TULP4: variants seen among roughly 807,000 people sequenced by gnomAD.
TULP4 encodes the protein TUB like protein 4, also known as tubby-related protein 4.
Under a neutral mutation model 129.0 loss-of-function variants are expected in TULP4, and 16 were observed. That is an observed-to-expected ratio of 0.12 (90% CI 0.08 to 0.19). The LOEUF is 0.19. TULP4 is among the 10% of genes least tolerant of loss of function. The pLI, the probability that TULP4 is intolerant of heterozygous loss-of-function variation, is 1.00. For missense variants in TULP4, 1,842 were observed against 2,059.1 expected (o/e 0.89, Z 2.04); for synonymous variants, 998 against 854.0 (o/e 1.17, Z -2.94).
intron 1 of TULP4, among the ~76,000 whole-genome samples, chr6:158,302,136 T>C (rs1287262202): frequency 6.6e-6 from 1 of 152,138 alleles, no homozygotes; most frequent in African/African-American, 2.4e-5. Flanking sequence ...ATGAAGAATA[T>C]AGGCCTGGGG....
chr6:158,489,454 C>A, intron 8 of TULP4, 134 bp from the exon 9 acceptor site: 13 of 1,066,312 alleles, frequency 1.2e-5, no homozygotes, highest in Non-Finnish European at 1.4e-5. Context: ...TGCCAAGCTT[C>A]TTTTTGGTTT....
At chr6:158,297,514 A>G (rs897632219) in intron 1 of TULP4, among the ~76,000 whole-genome samples, 1 of 152,202 alleles carries the variant, frequency 6.6e-6, no homozygotes, top group Non-Finnish European at 1.5e-5. Flanking sequence ...AAATTATGAG[A>G]GTATTATTAG....
intron 1 of TULP4, among the ~76,000 whole-genome samples, chr6:158,267,690 G>A (rs1778471770): frequency 6.6e-6 from 1 of 152,184 alleles, no homozygotes; most frequent in South Asian, 2.1e-4. Context: ...AAAGTTAACT[G>A]GAGTGTTGCT....
intron 1 of TULP4, among the ~76,000 whole-genome samples, chr6:158,272,305 T>G (rs949658231): frequency 1.3e-5 from 2 of 152,240 alleles, no homozygotes; most frequent in Non-Finnish European, 2.9e-5. Context: ...CTTCCTCCCT[T>G]CCTGCCCCAA....
intron 11 of TULP4, 149 bp from the exon 12 acceptor site, chr6:158,498,520 G>C: frequency 1.1e-6 from 1 of 898,008 alleles, no homozygotes; most frequent in Non-Finnish European, 1.7e-6. Flanking sequence ...GAAATGAAGA[G>C]CTCCTCTCAG....
Position 158,461,719 on chromosome 6 carries a change from C to T in TULP4, c.1016C>T (p.Thr339Ile), listed in dbSNP as rs1420361480. 1.9e-6 allele frequency: 3 copies of T among 1,614,080 alleles called. No homozygotes were observed. Among genetic ancestry groups the T allele is most frequent in the Middle Eastern group, 1.6e-4 (1 of 6,062 alleles). ...GGGGAGCACATCTTCACACTGGACACTCTCGTGCAGGTAAGGATGTTCTCT... is the reference window on the plus strand; with the variant it reads ...GGGGAGCACATCTTCACACTGGACATTCTCGTGCAGGTAAGGATGTTCTCT... ...VRGEHIFTLD[T>I]LVQRPIISIC... The change falls in exon 6 of 14, where the codon ACT (threonine) becomes ATT (isoleucine). Residue 339 changes from threonine (T) to isoleucine (I), a missense_variant. Thr to Ile is a moderately conservative substitution (Grantham distance 89). Around this residue, in one of 5 missense-constraint regions of TULP4, gnomAD observed 456 missense variants for 534.3 expected, o/e 0.85. Transcript: ENST00000367097.
At chr6:158,268,100 A>G (rs1778484250) in intron 1 of TULP4, among the ~76,000 whole-genome samples, 1 of 131,498 alleles carries the variant, frequency 7.6e-6, no homozygotes, top group South Asian at 2.3e-4. Flanking sequence ...CAGTGGTGCG[A>G]TCCTGGCTCA....
intron 1 of TULP4, among the ~76,000 whole-genome samples, chr6:158,357,930 T>A (rs1180774066): frequency 6.6e-6 from 1 of 151,898 alleles, no homozygotes; most frequent in Non-Finnish European, 1.5e-5. Context: ...AGTAAGGAGG[T>A]GAGGTTGGGT....
At chr6:158,266,092 G>A (rs1778440495) in intron 1 of TULP4, among the ~76,000 whole-genome samples, 1 of 152,122 alleles carries the variant, frequency 6.6e-6, no homozygotes. Context: ...CTTAAGCATA[G>A]CATTCTCTTG....
chr6:158,410,567 A>G (rs1029706706), intron 1 of TULP4, among the ~76,000 whole-genome samples: 2 of 152,246 alleles, frequency 1.3e-5, no homozygotes, highest in Admixed American at 6.5e-5. Context: ...TCTGAAGTAC[A>G]TGAGTGACTA....
intron 1 of TULP4, among the ~76,000 whole-genome samples, chr6:158,275,013 C>T (rs1209890570): frequency 2.0e-5 from 3 of 152,174 alleles, no homozygotes; most frequent in Non-Finnish European, 4.4e-5. Flanking sequence ...AGAGTTTGAT[C>T]AGTGTAGAAA....
chr6:158,483,082 G>A (rs2128251540), intron 8 of TULP4, among the ~76,000 whole-genome samples: 1 of 152,316 alleles, frequency 6.6e-6, no homozygotes, highest in African/African-American at 2.4e-5. Flanking sequence ...GGGTACTTGA[G>A]TCTCCTGCTA....
chr6:158,388,491 G>A lies in TULP4; in HGVS notation c.253-24574G>A, dbSNP rs375861619. 8.3e-4 allele frequency among the ~76,000 whole-genome samples: 126 copies of A among 151,504 alleles called. 1 individual carries two copies. The highest frequency in any genetic ancestry group is 2.8e-3 in the African/African-American group (115 of 41,370). The stretch of plus-strand genomic sequence containing the variant: ...ACTAGAGGCGCCCATCACAACGCCC[G>A]GCTAATTTTTTGTAGTTTTAGTAGA... On this transcript the variant is annotated intron_variant, in intron 1 of 13. Transcript: ENST00000367097.
At chr6:158,248,567 C>A (rs185146075) in intron 1 of TULP4, among the ~76,000 whole-genome samples, 59 of 152,172 alleles carry the variant, frequency 3.9e-4, no homozygotes, top group Admixed American at 1.4e-3. Context: ...CCGTGCCCGG[C>A]GTCTGTTCTT....
intron 6 of TULP4, among the ~76,000 whole-genome samples, chr6:158,471,961 C>A (rs1366037368): frequency 1.3e-5 from 2 of 152,106 alleles, no homozygotes; most frequent in Non-Finnish European, 2.9e-5. Context: ...CTGAAACACA[C>A]TCAGCATTGT....
intron 2 of TULP4, among the ~76,000 whole-genome samples, chr6:158,417,167 A>G (rs1355966193): frequency 6.6e-6 from 1 of 152,218 alleles, no homozygotes; most frequent in Non-Finnish European, 1.5e-5. Flanking sequence ...CTACCAGCCA[A>G]GCAGTGCCAC....
At chr6:158,241,992 A>G in intron 1 of TULP4, 3 of 883,638 alleles carry the variant, frequency 3.4e-6, no homozygotes, top group Non-Finnish European at 3.9e-6. Flanking sequence ...AGTCAAAGAC[A>G]TTTTGGTCCT....
At chr6:158,254,144 T>G (rs1778200541) in intron 1 of TULP4, among the ~76,000 whole-genome samples, 2 of 151,984 alleles carry the variant, frequency 1.3e-5, no homozygotes, top group Admixed American at 1.3e-4. Context: ...TCCAACCAAG[T>G]CATTAGTAAA....
chr6:158,405,545 T>G (rs192301569), intron 1 of TULP4, among the ~76,000 whole-genome samples: 1 of 152,288 alleles, frequency 6.6e-6, no homozygotes, highest in East Asian at 1.9e-4. Flanking sequence ...CTACTTGAGA[T>G]AATGGAGAGC....
Sources: gnomAD v4.1 joint callset for allele counts (sites outside exome capture counted in the v4.1 genomes callset) on GRCh38, gnomAD v4.1.1 for gene constraint, gnomAD v4.1.1 regional missense constraint, MANE v1.5 for transcripts, NCBI Gene and HGNC (gene_info 2026-07-23, HGNC 2026-07-21) for gene names.